Variants in EPS15 observed in about 807,000 individuals in gnomAD.
The protein encoded by EPS15 is epidermal growth factor receptor substrate 15.
In EPS15, 72 loss-of-function variants were observed where a neutral mutation model predicts 113.8. The observed-to-expected ratio is 0.63, with a 90% CI of 0.52 to 0.77. EPS15 has a LOEUF of 0.77. EPS15 is among the 30% of genes least tolerant of loss of function. The pLI is 0.00. For synonymous variants in EPS15, 344 were observed against 363.4 expected, an observed-to-expected ratio of 0.95 and a Z score of 0.61; for missense variants, 1,048 against 1,045.8, an observed-to-expected ratio of 1.00 and a Z score of -0.03.
chr1:51,430,997 C>T (rs1043656968), intron 12 of EPS15, among the ~76,000 whole-genome samples: 5 of 147,780 alleles, frequency 3.4e-5, no homozygotes, highest in Non-Finnish European at 6.0e-5. Context: ...CACACACACA[C>T]ACACACACAC....
At chr1:51,484,727 T>C (rs1051512261) in intron 1 of EPS15, among the ~76,000 whole-genome samples, 21 of 152,220 alleles carry the variant, frequency 1.4e-4, no homozygotes, top group African/African-American at 5.1e-4. Context: ...ATTAACTCTG[T>C]ATGGTCTTGC....
rs72910238 is a variant in EPS15 at position 51,381,649 on chromosome 1, A to C, written c.2119+12732T>G. Among the ~76,000 whole-genome samples, 1,139 of 152,286 alleles carry C rather than the reference A, an allele frequency of 7.5e-3. 14 individuals are homozygous for C. Among genetic ancestry groups the C allele is most frequent in the African/African-American group, 0.026 (1,096 of 41,562 alleles). ...CCAATTAAAACAGAATAAAACTAAA[A>C]ATTAACAGCAGAAGCAAAACTAGAC... is the stretch of plus-strand genomic sequence containing the variant. On this transcript the variant is annotated intron_variant, in intron 21 of 24. Coordinates refer to ENST00000371733, the MANE Select transcript of EPS15 (RefSeq NM_001981.3).
In EPS15 at chr1:51,461,109, G is replaced by A. The variant is rs940417567; in HGVS notation, c.543C>T (p.Asp181=). 47 of 1,602,498 alleles carry A rather than the reference G, an allele frequency of 2.9e-5. No homozygotes were observed. The highest frequency in any genetic ancestry group is 3.8e-5 in the Non-Finnish European group (45 of 1,169,474). ...LSDIDHDGML[D]RDEFAVAMFL... is the part of the protein sequence containing the mutation. ...TACTTACAACTGCAAACTCATCTCT[G>A]TCAAGCATTCCATCATGGTCAATAT... The change falls in exon 8 of 25, where the codon GAC becomes GAT. Residue 181 remains aspartate, a synonymous_variant. Transcript: ENST00000371733.
At chr1:51,430,584 A>T (rs868721023) in intron 12 of EPS15, among the ~76,000 whole-genome samples, 12 of 151,498 alleles carry the variant, frequency 7.9e-5, no homozygotes, top group African/African-American at 1.7e-4. Context: ...AAAAAAAAAA[A>T]TCAAGAATTC....
chr1:51,438,077 C>A (rs1379586459), intron 12 of EPS15, among the ~76,000 whole-genome samples: 2 of 152,110 alleles, frequency 1.3e-5, no homozygotes, highest in Non-Finnish European at 2.9e-5. Flanking sequence ...CGTATTTTAA[C>A]AACTATAATT....
chr1:51,483,634 C>T (rs1362749243), intron 1 of EPS15, among the ~76,000 whole-genome samples: 1 of 151,972 alleles, frequency 6.6e-6, no homozygotes. Flanking sequence ...GGTGAAAGCC[C>T]GTCTCTACAA....
At chr1:51,476,429 C>T (rs750759162) in intron 2 of EPS15, among the ~76,000 whole-genome samples, 5 of 151,726 alleles carry the variant, frequency 3.3e-5, no homozygotes, top group Non-Finnish European at 5.9e-5. Context: ...CTCTTGGGAG[C>T]GTGTATGTGT....
chr1:51,428,700 G>A (rs980905596), intron 12 of EPS15, among the ~76,000 whole-genome samples: 19 of 151,742 alleles, frequency 1.3e-4, no homozygotes, highest in African/African-American at 4.1e-4. Context: ...GGTGGCAGGC[G>A]CCTGTAATCC....
intron 5 of EPS15, among the ~76,000 whole-genome samples, chr1:51,467,662 G>C (rs927045534): frequency 1.4e-4 from 22 of 152,224 alleles, no homozygotes; most frequent in African/African-American, 5.1e-4. Context: ...GAGGTGAGCA[G>C]CTGGCAGGCA....
chr1:51,476,185 G>A (rs1643897372), intron 2 of EPS15, among the ~76,000 whole-genome samples: 1 of 152,048 alleles, frequency 6.6e-6, no homozygotes, highest in Non-Finnish European at 1.5e-5. Context: ...AGCCAATGTG[G>A]AACCATTTTT....
chr1:51,497,421 T>C (rs962078754), intron 1 of EPS15, among the ~76,000 whole-genome samples: 3 of 152,180 alleles, frequency 2.0e-5, no homozygotes, highest in Admixed American at 6.5e-5. Flanking sequence ...AAGTTAATCA[T>C]GACAAATGCA....
At chr1:51,468,104 G>A (rs1318525370) in intron 5 of EPS15, among the ~76,000 whole-genome samples, 1 of 152,042 alleles carries the variant, frequency 6.6e-6, no homozygotes, top group Non-Finnish European at 1.5e-5. Context: ...GACCAGACGT[G>A]CACACCAACA....
chr1:51,454,518 G>A (rs927520200), intron 8 of EPS15, among the ~76,000 whole-genome samples: 3 of 152,146 alleles, frequency 2.0e-5, no homozygotes, highest in African/African-American at 4.8e-5. Context: ...AAAGCATTAC[G>A]CCTCCGTGTT....
chr1:51,372,881 A>T (rs1055552577), intron 21 of EPS15: 5 of 784,038 alleles, frequency 6.4e-6, no homozygotes, highest in African/African-American at 1.8e-5. Flanking sequence ...TCTGGATATC[A>T]GGAGCTACCT....
intron 1 of EPS15, among the ~76,000 whole-genome samples, chr1:51,492,809 C>T (rs548193979): frequency 7.0e-6 from 1 of 143,318 alleles, no homozygotes; most frequent in South Asian, 2.1e-4. Context: ...TCCTTTGTAG[C>T]CCCTCAAATG....
chr1:51,465,244 T>C lies in EPS15; in HGVS notation c.375+17A>G. ...AAGCAATGAAGGGGTGAGAGAATAG[T>C]TACAAAGTTTACTTACTTTTACAGC... On this transcript the variant is annotated intron_variant, in intron 6 of 24. Transcript: ENST00000371733. 1 of 1,556,924 alleles carries C rather than the reference T, an allele frequency of 6.4e-7. No homozygotes were observed. The highest frequency in any genetic ancestry group is 8.8e-7 in the Non-Finnish European group (1 of 1,131,836).
chr1:51,491,188 G>A (rs562183846), intron 1 of EPS15, among the ~76,000 whole-genome samples: 1 of 152,188 alleles, frequency 6.6e-6, no homozygotes, highest in East Asian at 1.9e-4. Flanking sequence ...GTCTCTTAAT[G>A]CACACAATTT....
At position 51,448,114 on chromosome 1, in the gene EPS15, C is replaced by T. The variant is rs1277974300; in HGVS notation, c.583G>A (p.Ala195Thr). 1 of 1,612,654 alleles carries T rather than the reference C, an allele frequency of 6.2e-7. No homozygotes were observed. Among genetic ancestry groups the T allele is most frequent in the East Asian group, 2.2e-5 (1 of 44,838 alleles). The change falls in exon 9 of 25, where the codon GCA becomes ACA. Residue 195 changes from alanine to threonine, a missense_variant. By Grantham distance (58) the Ala-to-Thr change is moderately conservative. Coordinates refer to ENST00000371733, the MANE Select transcript of EPS15 (RefSeq NM_001981.3). The part of the protein sequence containing the change: ...FAVAMFLVYC[A>T]LEKEPVPMSL... Reference sequence around the variant, plus strand: ...ATTGGCACAGGTTCTTTCTCCAGTGCACAGTATACCAAAAACATGGCCTTC... The same window carrying T: ...ATTGGCACAGGTTCTTTCTCCAGTGTACAGTATACCAAAAACATGGCCTTC...
intron 12 of EPS15, among the ~76,000 whole-genome samples, chr1:51,430,964 T>C (rs1486388829): frequency 1.6e-5 from 2 of 126,766 alleles, no homozygotes; most frequent in Admixed American, 1.7e-4. Context: ...ATCTGAAAAA[T>C]ACATTACTTA....
Sources: allele counts gnomAD v4.1 joint callset (sites outside exome capture counted in the v4.1 genomes callset), GRCh38; gene constraint gnomAD v4.1.1; transcripts MANE v1.5; gene names NCBI Gene and HGNC (gene_info 2026-07-23, HGNC 2026-07-21).